BORCS5: variants seen among roughly 807,000 people sequenced by gnomAD.
The protein encoded by BORCS5 is BLOC-1 related complex subunit 5.
Under a neutral mutation model 22.1 loss-of-function variants are expected in BORCS5, and 17 were observed. The ratio of observed to expected loss-of-function variants is 0.77; its 90% confidence interval spans 0.53 to 1.15. The LOEUF is 1.15. Among genes scored for constraint, BORCS5 ranks in the 50% most tolerant of loss-of-function variants. The probability of loss-of-function intolerance (pLI) is 0.00; values close to 1 mark genes in which losing one functional copy is unlikely to be tolerated. For missense variants in BORCS5, 247 were observed against 253.2 expected, an observed-to-expected ratio of 0.98 and a Z score of 0.17; for synonymous variants, 117 against 99.8, an observed-to-expected ratio of 1.17 and a Z score of -1.03.
intron 2 of BORCS5, among the ~76,000 whole-genome samples, chr12:12,371,182 G>A (rs1488655696): frequency 2.0e-5 from 3 of 152,140 alleles, no homozygotes; most frequent in African/African-American, 7.2e-5. Context: ...AAGGAACCCT[G>A]GTTCTTTTAG....
chr12:12,401,798 C>T (rs981044902), intron 2 of BORCS5, among the ~76,000 whole-genome samples: 1 of 152,090 alleles, frequency 6.6e-6, no homozygotes, highest in Non-Finnish European at 1.5e-5. Context: ...GTGGTTCACG[C>T]CTGTAATCCC....
At chr12:12,394,888 A>G (rs1941294845) in intron 2 of BORCS5, among the ~76,000 whole-genome samples, 1 of 152,090 alleles carries the variant, frequency 6.6e-6, no homozygotes, top group Non-Finnish European at 1.5e-5. Flanking sequence ...TATTAACATC[A>G]TCCACATATA....
At chr12:12,439,565 T>C (rs1267844337) in intron 3 of BORCS5, among the ~76,000 whole-genome samples, 1 of 67,470 alleles carries the variant, frequency 1.5e-5, no homozygotes, top group African/African-American at 6.1e-5. Context: ...GAGGCAGAGG[T>C]TGCGGTGAGC....
intron 3 of BORCS5, among the ~76,000 whole-genome samples, chr12:12,447,048 C>T (rs1449688706): frequency 1.3e-5 from 2 of 152,180 alleles, no homozygotes; most frequent in Non-Finnish European, 2.9e-5. Flanking sequence ...AGTCCCCCAG[C>T]CTCCTCTCTT....
At chr12:12,445,215 A>G (rs968064841) in intron 3 of BORCS5, among the ~76,000 whole-genome samples, 1 of 151,844 alleles carries the variant, frequency 6.6e-6, no homozygotes, top group East Asian at 1.9e-4. Flanking sequence ...TAATTTTTAA[A>G]TTTTTTTGTA....
At chr12:12,405,799 T>C (rs1312002379) in intron 2 of BORCS5, among the ~76,000 whole-genome samples, 1 of 152,272 alleles carries the variant, frequency 6.6e-6, no homozygotes, top group African/African-American at 2.4e-5. Flanking sequence ...GCTATTCCTC[T>C]TTTACTAATA....
rs1478203362 is a variant in BORCS5 at position 12,465,724 on chromosome 12, G to T, written c.539G>T (p.Gly180Val). Reference protein sequence around the residue: ...LDRLNSMLPEGERLEPFSMKP... With the variant: ...LDRLNSMLPEVERLEPFSMKP... ...AGGCTCAACAGCATGCTGCCCGAGG[G>T]CGAGCGGCTGGAGCCCTTCAGCATG... The change falls in exon 4 of 4, where the codon GGC (glycine) becomes GTC (valine). Residue 180 changes from glycine (G) to valine (V), a missense_variant. By Grantham distance (109) the Gly-to-Val change is moderately radical. Transcript: ENST00000314565. 1 of 1,614,016 alleles carries T rather than the reference G, an allele frequency of 6.2e-7. No individual in the cohort carries two copies. Among genetic ancestry groups the T allele is most frequent in the Non-Finnish European group, 8.5e-7 (1 of 1,180,050 alleles).
chr12:12,427,220 G>A (rs534818487), intron 2 of BORCS5, among the ~76,000 whole-genome samples: 60 of 129,396 alleles, frequency 4.6e-4, no homozygotes, highest in African/African-American at 1.6e-3. Context: ...TCGCACTCTC[G>A]TCCAGGCTGG....
At chr12:12,382,438 C>T (rs1365282373) in intron 2 of BORCS5, among the ~76,000 whole-genome samples, 1 of 151,056 alleles carries the variant, frequency 6.6e-6, no homozygotes, top group Non-Finnish European at 1.5e-5. Context: ...CCACCTCCAA[C>T]ATTAGGGGCC....
intron 2 of BORCS5, among the ~76,000 whole-genome samples, chr12:12,362,793 A>G (rs1249353980): frequency 6.6e-6 from 1 of 151,264 alleles, no homozygotes; most frequent in Non-Finnish European, 1.5e-5. Context: ...GATGCCTGCC[A>G]CCACGCCAAG....
chr12:12,459,351 C>G (rs1253025244), intron 3 of BORCS5, among the ~76,000 whole-genome samples: 2 of 151,242 alleles, frequency 1.3e-5, no homozygotes, highest in African/African-American at 4.9e-5. Flanking sequence ...GCTCTTGTTG[C>G]CCAGGCTGGA....
chr12:12,388,085 A>T (rs1294585326), intron 2 of BORCS5, among the ~76,000 whole-genome samples: 1 of 151,484 alleles, frequency 6.6e-6, no homozygotes, highest in African/African-American at 2.4e-5. Flanking sequence ...AGTGAGAACT[A>T]ACATTTGTGA....
At chr12:12,417,340 C>T (rs990422777) in intron 2 of BORCS5, among the ~76,000 whole-genome samples, 1 of 152,098 alleles carries the variant, frequency 6.6e-6, no homozygotes, top group East Asian at 1.9e-4. Context: ...TGTATAATAT[C>T]TATCTTTTGA....
chr12:12,369,712 CTTTTTTTTTTTTTTT>C (rs71061052), intron 2 of BORCS5, among the ~76,000 whole-genome samples: 5 of 42,952 alleles, frequency 1.2e-4, no homozygotes, highest in South Asian at 1.6e-3. Context: ...CCCCCCACTT[CTTTTTTTTTTTTTTT>C]TTTTTTTTTT....
intron 3 of BORCS5, among the ~76,000 whole-genome samples, chr12:12,451,610 GC>G (rs1435142355): frequency 2.6e-5 from 4 of 152,144 alleles, no homozygotes; most frequent in African/African-American, 9.7e-5. Flanking sequence ...CTGGCTGGGC[GC>G]AGTGGCTCAC....
At chr12:12,423,773 C>T (rs1345944209) in intron 2 of BORCS5, among the ~76,000 whole-genome samples, 3 of 152,176 alleles carry the variant, frequency 2.0e-5, no homozygotes, top group African/African-American at 7.2e-5. Context: ...ACTGCAACCT[C>T]TGCATCCCAG....
chr12:12,373,471 C>A lies in BORCS5; in HGVS notation c.202+12122C>A, dbSNP rs555810344. Among the ~76,000 whole-genome samples the A allele has an allele frequency of 2.0e-4, 30 of 152,222 alleles. 1 individual carries two copies. The South Asian group carries it at 6.2e-3, about 32-fold the overall frequency. On this transcript the variant is annotated intron_variant, in intron 2 of 3. Transcript: ENST00000314565. Reference sequence around the variant, plus strand: ...TCCTGTGCTGCCTGTTATACAGTATCGGAAATGAGTGTTTCATATATTTTT... The same window carrying A: ...TCCTGTGCTGCCTGTTATACAGTATAGGAAATGAGTGTTTCATATATTTTT...
intron 2 of BORCS5, among the ~76,000 whole-genome samples, chr12:12,370,996 A>G (rs1307079908): frequency 1.3e-5 from 2 of 152,000 alleles, no homozygotes; most frequent in Non-Finnish European, 2.9e-5. Context: ...TGATCCGCCC[A>G]CCTCGGCCTC....
At chr12:12,462,841 G>A (rs949992195) in intron 3 of BORCS5, among the ~76,000 whole-genome samples, 3 of 152,108 alleles carry the variant, frequency 2.0e-5, no homozygotes, top group African/African-American at 7.2e-5. Flanking sequence ...TATTTTAATA[G>A]AGACGGAGTT....
Sources: gnomAD v4.1 joint callset for allele counts (sites outside exome capture counted in the v4.1 genomes callset) on GRCh38, gnomAD v4.1.1 for gene constraint, MANE v1.5 for transcripts, NCBI Gene and HGNC (gene_info 2026-07-23, HGNC 2026-07-21) for gene names.